The following DLGAP1 variants were observed in gnomAD, a reference collection of about 807,000 sequenced individuals.
DLGAP1 encodes the protein disks large-associated protein 1.
DLGAP1 carries 11 observed loss-of-function variants against 90.8 expected under a neutral mutation model. That is an observed-to-expected ratio of 0.12 (90% confidence interval 0.08 to 0.20). The LOEUF (loss-of-function observed/expected upper bound fraction) is 0.20, where lower values mean the gene tolerates loss of function less well. DLGAP1 is among the 10% of genes least tolerant of loss of function. DLGAP1 has a pLI of 1.00. For missense variants in DLGAP1, 1,050 were observed against 1,333.8 expected (o/e 0.79, Z 3.31); for synonymous variants, 558 against 540.7 (o/e 1.03, Z -0.44).
chr18:3,892,714 G>T (rs1386844584), intron 3 of DLGAP1, among the ~76,000 whole-genome samples: 5 of 152,076 alleles, frequency 3.3e-5, no homozygotes, highest in African/African-American at 1.2e-4. Context: ...GAAAAAAGAA[G>T]TCTGGAAGAT....
chr18:3,748,750 T>C (rs1483050849), intron 5 of DLGAP1, among the ~76,000 whole-genome samples: 5 of 152,174 alleles, frequency 3.3e-5, no homozygotes, highest in Admixed American at 3.3e-4. Context: ...GTGTGGACAA[T>C]GGTACTTAGT....
At chr18:4,314,015 T>C (rs1329274587) in intron 1 of DLGAP1, among the ~76,000 whole-genome samples, 1 of 152,132 alleles carries the variant, frequency 6.6e-6, no homozygotes, top group African/African-American at 2.4e-5. Context: ...TCAGAGACCT[T>C]TGACTGCAAA....
At chr18:3,668,304 C>G (rs1247553308) in intron 7 of DLGAP1, among the ~76,000 whole-genome samples, 1 of 152,104 alleles carries the variant, frequency 6.6e-6, no homozygotes, top group Non-Finnish European at 1.5e-5. Context: ...TCCTTCGTTT[C>G]TTCTTTCCTT....
intron 3 of DLGAP1, among the ~76,000 whole-genome samples, chr18:3,981,574 A>G (rs1443017353): frequency 6.6e-6 from 1 of 152,202 alleles, no homozygotes; most frequent in Admixed American, 6.5e-5. Context: ...ATGGCAGGTG[A>G]TGCCCCAGAA....
At chr18:3,820,181 G>C (rs2067330324) in intron 4 of DLGAP1, among the ~76,000 whole-genome samples, 1 of 152,192 alleles carries the variant, frequency 6.6e-6, no homozygotes, top group Non-Finnish European at 1.5e-5. Context: ...GTGGAGTAAT[G>C]AGAATGCGTG....
In DLGAP1 at chr18:4,084,690, A is replaced by G. The variant is rs373215667; in HGVS notation, c.-159+66490T>C. ...CTTCTCCACGATTATCTACTTATTT[A>G]CCAAACTTAGCATAAAAATACATGG... On this transcript the variant is annotated intron_variant, in intron 2 of 12. Transcript: ENST00000315677. This position sits in a 1 kb window ranked among gnomAD's most constrained non-coding sequence, Gnocchi z 4.0. 6.4e-4 allele frequency among the ~76,000 whole-genome samples: 98 copies of G among 152,242 alleles called. 2 individuals are homozygous for G. The South Asian group carries it at 0.017, about 27-fold the overall frequency.
In DLGAP1 at chr18:3,653,749, CAG is replaced by C. The variant is rs1183166295; in HGVS notation, c.1592-71503_1592-71502del. 6.6e-6 allele frequency: 1 copy of C among 152,116 alleles called. No individual in the cohort carries two copies. The highest frequency in any genetic ancestry group is 1.5e-5 in the Non-Finnish European group (1 of 68,030). 9.4% of individuals were successfully genotyped at this position (152,116 alleles called of 1,614,324 possible). On this transcript the variant is annotated intron_variant, in intron 7 of 12. Coordinates refer to ENST00000315677, the MANE Select transcript of DLGAP1 (RefSeq NM_004746.4). This position sits in a 1 kb window ranked among gnomAD's most constrained non-coding sequence, Gnocchi z 4.6. ...TTCAGAGCTCTAGGATAATATAGAG[CAG>C]AGTCTCTTTTTTTTAAAAAAGGAAA...
intron 1 of DLGAP1, among the ~76,000 whole-genome samples, chr18:4,296,400 G>C (rs2079982674): frequency 1.3e-5 from 2 of 152,172 alleles, no homozygotes; most frequent in South Asian, 4.1e-4. Context: ...CAGGTTAAAG[G>C]AGGGCCACTC....
At chr18:3,888,689 G>C (rs541918736) in intron 3 of DLGAP1, among the ~76,000 whole-genome samples, 1 of 152,300 alleles carries the variant, frequency 6.6e-6, no homozygotes, top group South Asian at 2.1e-4. Flanking sequence ...GAATAAAAAG[G>C]TGGAAGGTAG....
intron 3 of DLGAP1, among the ~76,000 whole-genome samples, chr18:3,904,380 G>C (rs1241160299): frequency 6.6e-6 from 1 of 152,188 alleles, no homozygotes; most frequent in Non-Finnish European, 1.5e-5. Flanking sequence ...GGCAATGCTG[G>C]CTTGGCTTCA....
intron 1 of DLGAP1, among the ~76,000 whole-genome samples, chr18:4,297,039 G>C (rs985383960): frequency 3.9e-5 from 6 of 152,168 alleles, no homozygotes; most frequent in African/African-American, 1.4e-4. Context: ...TCTGTAAAGA[G>C]GACCTATGAC....
At chr18:3,709,712 T>A (rs1455585718) in intron 7 of DLGAP1, among the ~76,000 whole-genome samples, 1 of 152,132 alleles carries the variant, frequency 6.6e-6, no homozygotes, top group African/African-American at 2.4e-5. Flanking sequence ...TGTGAACCCC[T>A]CCAGGGCAGG....
At chr18:3,968,918 A>G (rs1454606368) in intron 3 of DLGAP1, among the ~76,000 whole-genome samples, 1 of 152,188 alleles carries the variant, frequency 6.6e-6, no homozygotes, top group Admixed American at 6.5e-5. Flanking sequence ...AAACAAAACT[A>G]TTGATTTCTT....
chr18:3,584,658 T>C (rs900491919), intron 7 of DLGAP1, among the ~76,000 whole-genome samples: 10 of 152,054 alleles, frequency 6.6e-5, no homozygotes, highest in Admixed American at 4.6e-4. Flanking sequence ...GTGCATGACA[T>C]AGAGGCAGTC....
intron 7 of DLGAP1, among the ~76,000 whole-genome samples, chr18:3,589,364 G>A (rs1723729732): frequency 6.6e-6 from 1 of 152,172 alleles, no homozygotes; most frequent in African/African-American, 2.4e-5. Context: ...CAAAACAGAT[G>A]TGAGATCAAA....
chr18:3,580,949 C>A (rs1397709117), intron 8 of DLGAP1, among the ~76,000 whole-genome samples: 2 of 152,172 alleles, frequency 1.3e-5, no homozygotes, highest in Non-Finnish European at 2.9e-5. Flanking sequence ...CGGCCGGGAC[C>A]CTCACAGCTC....
At chr18:4,305,007 C>T (rs1469885030) in intron 1 of DLGAP1, among the ~76,000 whole-genome samples, 2 of 151,814 alleles carry the variant, frequency 1.3e-5, no homozygotes, top group Non-Finnish European at 2.9e-5. Context: ...TTGTATGTTA[C>T]TCTCCTTGCC....
intron 1 of DLGAP1, among the ~76,000 whole-genome samples, chr18:4,152,856 C>T (rs1236821535): frequency 1.3e-5 from 2 of 152,118 alleles, no homozygotes; most frequent in African/African-American, 2.4e-5. Context: ...TTCCATTAAA[C>T]CAGACAAGCT....
chr18:4,433,263 A>G (rs2083329775), intron 1 of DLGAP1, among the ~76,000 whole-genome samples: 1 of 152,226 alleles, frequency 6.6e-6, no homozygotes, highest in Non-Finnish European at 1.5e-5. Flanking sequence ...TTCATCTGTA[A>G]TAAGGTGCCA....
Sources: allele counts gnomAD v4.1 joint callset (sites outside exome capture counted in the v4.1 genomes callset), GRCh38; gene constraint gnomAD v4.1.1; non-coding constraint Gnocchi (gnomAD v3.1); transcripts MANE v1.5; gene names NCBI Gene and HGNC (gene_info 2026-07-23, HGNC 2026-07-21).